The following CTNNA2 variants were observed in gnomAD, a reference collection of about 807,000 sequenced individuals.
CTNNA2 encodes catenin alpha-2.
In CTNNA2, 42 loss-of-function variants were observed where a neutral mutation model predicts 101.0. The observed-to-expected ratio is 0.42, with a 90% CI of 0.32 to 0.54. The LOEUF (loss-of-function observed/expected upper bound fraction) is 0.54. Ranked by LOEUF, CTNNA2 falls within the 20% of genes least tolerant of loss-of-function variation. The pLI is 0.14. For missense variants in CTNNA2, 871 were observed against 1,223.1 expected (o/e 0.71, Z 4.29); for synonymous variants, 450 against 456.4 (o/e 0.99, Z 0.18).
In CTNNA2 at chr2:80,619,171, C is replaced by A. The variant is rs1016379864; in HGVS notation, c.2517C>A (p.His839Gln). 5 of 1,582,536 alleles carry A rather than the reference C, an allele frequency of 3.2e-6. No individual in the cohort carries two copies. The highest frequency in any genetic ancestry group is 4.3e-6 in the Non-Finnish European group (5 of 1,163,648). The change falls in exon 18 of 19, where the codon CAC (histidine) becomes CAA (glutamine). Residue 839 changes from histidine to glutamine, a missense_variant. Coordinates refer to ENST00000402739, the MANE Select transcript of CTNNA2 (RefSeq NM_001282597.3). ...GCAGGGCTAGTCAACTTTCTACCCA[C>A]CTCCCAACCTGTGCTGAGGGAGCTC... ...DGGRASQLST[H>Q]LPTCAEGAPI...
At chr2:79,485,361 C>G (rs1671147459) in intron 4 of CTNNA2, among the ~76,000 whole-genome samples, 1 of 152,174 alleles carries the variant, frequency 6.6e-6, no homozygotes, top group East Asian at 1.9e-4. Context: ...TGAAGATTCA[C>G]TTTAAAGTGT....
chr2:79,578,343 A>G (rs1468830015), intron 1 of CTNNA2, among the ~76,000 whole-genome samples: 1 of 152,166 alleles, frequency 6.6e-6, no homozygotes, highest in East Asian at 1.9e-4. Flanking sequence ...CCTGCCATTT[A>G]TTCTTTAACG....
At chr2:80,094,033 G>T (rs1258446436) in intron 7 of CTNNA2, among the ~76,000 whole-genome samples, 3 of 151,920 alleles carry the variant, frequency 2.0e-5, no homozygotes, top group Non-Finnish European at 4.4e-5. Context: ...TTCAATTTTG[G>T]CTTTTGTTGC....
At chr2:80,375,071 C>G (rs545088080) in intron 7 of CTNNA2, among the ~76,000 whole-genome samples, 84 of 152,278 alleles carry the variant, frequency 5.5e-4, no homozygotes, top group African/African-American at 2.0e-3. Flanking sequence ...AGATGGAAGC[C>G]TACTCCTTCT....
intron 7 of CTNNA2, among the ~76,000 whole-genome samples, chr2:79,965,827 C>CAAAAAAAAAAAAAAAAAAAAAAAAA (rs10686940): frequency 1.3e-5 from 1 of 77,992 alleles, no homozygotes; most frequent in African/African-American, 5.3e-5. Flanking sequence ...GAGACTATGT[C>CAAAAAAAAAAAAAAAAAAAAAAAAA]AAAAAAAAAA....
intron 15 of CTNNA2, among the ~76,000 whole-genome samples, chr2:80,593,683 T>G (rs1195384976): frequency 1.3e-5 from 2 of 152,200 alleles, no homozygotes; most frequent in Non-Finnish European, 2.9e-5. Context: ...TTCTATGAAT[T>G]TGACTAATAC....
chr2:80,312,282 G>T (rs891637283), intron 7 of CTNNA2, among the ~76,000 whole-genome samples: 2 of 152,226 alleles, frequency 1.3e-5, no homozygotes, highest in African/African-American at 4.8e-5. Context: ...TATTGGCTAG[G>T]GTTGGACCGC....
chr2:79,276,478 G>T (rs961859294), intron 2 of CTNNA2, among the ~76,000 whole-genome samples: 4 of 151,994 alleles, frequency 2.6e-5, no homozygotes, highest in Non-Finnish European at 5.9e-5. Context: ...ATAATAAAAA[G>T]TAAATCATTT....
At chr2:79,672,248 C>T (rs754876615) in intron 2 of CTNNA2, among the ~76,000 whole-genome samples, 1 of 152,166 alleles carries the variant, frequency 6.6e-6, no homozygotes, top group Non-Finnish European at 1.5e-5. Flanking sequence ...TTATTTAATA[C>T]ATCTGTTAGC....
chr2:80,566,708 A>G (rs896052131), intron 12 of CTNNA2, among the ~76,000 whole-genome samples: 1 of 152,172 alleles, frequency 6.6e-6, no homozygotes, highest in African/African-American at 2.4e-5. Context: ...AGATTCATTC[A>G]AGGTGATTGG....
chr2:80,617,898 ATTTGCAAGC>A (rs1356026933), intron 17 of CTNNA2, among the ~76,000 whole-genome samples: 3 of 151,806 alleles, frequency 2.0e-5, no homozygotes, highest in Non-Finnish European at 4.4e-5. Flanking sequence ...TGATGCCATA[ATTTGCAAGC>A]TATTGTTTTG....
In CTNNA2 at chr2:80,399,075, A is replaced by ATT. The variant is rs375797544; in HGVS notation, c.1137+5799_1137+5800dup. Among the ~76,000 whole-genome samples the ATT allele has an allele frequency of 3.0e-4, 41 of 137,514 alleles. 1 individual carries two copies. The highest frequency in any genetic ancestry group is 9.7e-4 in the African/African-American group (36 of 36,978). The allele number at this position is 137,514 out of a possible 152,430, so 90.2% of individuals were successfully genotyped here. Reference sequence around the variant, plus strand: ...AAGCATGTGCCACCACGCCTGGCTAATTTTTTTTTTTTTTTTAGCAGAGAC... The same window carrying ATT: ...AAGCATGTGCCACCACGCCTGGCTAATTTTTTTTTTTTTTTTTTAGCAGAGAC... On this transcript the variant is annotated intron_variant, in intron 8 of 18. Coordinates refer to ENST00000402739, the MANE Select transcript of CTNNA2 (RefSeq NM_001282597.3).
chr2:79,546,365 G>A (rs115494073), intron 1 of CTNNA2, among the ~76,000 whole-genome samples: 2,164 of 152,200 alleles, frequency 0.014, 46 homozygotes, highest in African/African-American at 0.049. Flanking sequence ...GAATTCATGG[G>A]AAAGTTTTCC....
At chr2:79,477,753 C>T (rs1671066226) in intron 4 of CTNNA2, among the ~76,000 whole-genome samples, 1 of 152,120 alleles carries the variant, frequency 6.6e-6, no homozygotes, top group Admixed American at 6.6e-5. Context: ...AAGGTAATCA[C>T]ACGGAAAAGG....
chr2:79,364,487 G>A (rs1484669071), intron 3 of CTNNA2, among the ~76,000 whole-genome samples: 1 of 152,174 alleles, frequency 6.6e-6, no homozygotes, highest in African/African-American at 2.4e-5. Flanking sequence ...TAACTAGCAT[G>A]TTGTTGGGTT....
intron 4 of CTNNA2, among the ~76,000 whole-genome samples, chr2:79,440,624 A>G (rs1207645169): frequency 6.6e-6 from 1 of 152,154 alleles, no homozygotes; most frequent in African/African-American, 2.4e-5. Context: ...ACAGCCATCC[A>G]TATACCTAAG....
intron 7 of CTNNA2, among the ~76,000 whole-genome samples, chr2:80,195,776 T>C (rs1164708620): frequency 1.3e-5 from 2 of 152,198 alleles, no homozygotes; most frequent in African/African-American, 4.8e-5. Flanking sequence ...CTCATTATCT[T>C]GCTAGCCACT....
At chr2:79,241,664 T>C (rs545948012) in intron 2 of CTNNA2, among the ~76,000 whole-genome samples, 12 of 152,214 alleles carry the variant, frequency 7.9e-5, no homozygotes, top group Non-Finnish European at 1.8e-4. Context: ...TAATCAAATA[T>C]TTAAAAAGTT....
chr2:79,482,650 C>T (rs771410808), intron 4 of CTNNA2, among the ~76,000 whole-genome samples: 1 of 152,030 alleles, frequency 6.6e-6, no homozygotes, highest in Non-Finnish European at 1.5e-5. Flanking sequence ...GGTAAAAAGC[C>T]TATTTTAAAA....
Sources: gnomAD v4.1 joint callset for allele counts (sites outside exome capture counted in the v4.1 genomes callset) on GRCh38, gnomAD v4.1.1 for gene constraint, MANE v1.5 for transcripts, NCBI Gene and HGNC (gene_info 2026-07-23, HGNC 2026-07-21) for gene names.